The following CACNG4 variants were observed in gnomAD, a reference collection of about 807,000 sequenced individuals.
CACNG4 encodes the protein calcium voltage-gated channel auxiliary subunit gamma 4.
CACNG4 carries 8 observed loss-of-function variants against 22.9 expected under a neutral mutation model. That is an observed-to-expected ratio of 0.35 (90% CI 0.21 to 0.63). The LOEUF is 0.63. Ranked by LOEUF, CACNG4 falls within the 30% of genes least tolerant of loss-of-function variation. The probability of loss-of-function intolerance (pLI) is 0.72; values close to 1 mark genes in which losing one functional copy is unlikely to be tolerated. For synonymous variants in CACNG4, 188 were observed against 191.9 expected, an observed-to-expected ratio of 0.98 and a Z score of 0.17; for missense variants, 357 against 455.4, an observed-to-expected ratio of 0.78 and a Z score of 1.97.
intron 1 of CACNG4, 81 bp downstream of exon 1, chr17:66,965,212 G>GCGCGCGCA (rs1555575247): frequency 3.1e-4 from 197 of 639,644 alleles, no homozygotes; most frequent in Non-Finnish European, 3.8e-4. Context: ...GCGCGCGCGC[G>GCGCGCGCA]CACACACACA....
chr17:66,992,225 C>T (rs1263464304), intron 1 of CACNG4, among the ~76,000 whole-genome samples: 2 of 152,042 alleles, frequency 1.3e-5, no homozygotes, highest in Non-Finnish European at 2.9e-5. Flanking sequence ...ACCAAGTCAG[C>T]ACCCTCAGTG....
intron 1 of CACNG4, among the ~76,000 whole-genome samples, chr17:67,016,714 C>A (rs549296675): frequency 6.6e-6 from 1 of 152,284 alleles, no homozygotes; most frequent in East Asian, 1.9e-4. Context: ...GGGGGCTGAC[C>A]CGGGGGAAGG....
chr17:67,016,513 C>T (rs772478794), intron 1 of CACNG4, among the ~76,000 whole-genome samples: 7 of 152,120 alleles, frequency 4.6e-5, no homozygotes, highest in South Asian at 2.1e-4. Flanking sequence ...GCTCCCAGCT[C>T]GCCAGGGACC....
At chr17:67,004,298 G>A (rs1054565494) in intron 1 of CACNG4, among the ~76,000 whole-genome samples, 17 of 152,148 alleles carry the variant, frequency 1.1e-4, no homozygotes, top group Admixed American at 9.8e-4. Context: ...AAATCTCTCC[G>A]GCTCCGTTTA....
At chr17:67,024,620 A>G (rs2035552052) in intron 2 of CACNG4, among the ~76,000 whole-genome samples, 1 of 152,188 alleles carries the variant, frequency 6.6e-6, no homozygotes, top group Admixed American at 6.5e-5. Flanking sequence ...ACTAAACAAG[A>G]GGTAGACAGA....
chr17:67,007,147 C>A (rs1056649916), intron 1 of CACNG4, among the ~76,000 whole-genome samples: 2 of 151,978 alleles, frequency 1.3e-5, no homozygotes, highest in African/African-American at 4.8e-5. Flanking sequence ...TGCACTCTAG[C>A]CTGGGTGACA....
chr17:67,005,962 G>A (rs2035435066), intron 1 of CACNG4, among the ~76,000 whole-genome samples: 1 of 152,206 alleles, frequency 6.6e-6, no homozygotes, highest in African/African-American at 2.4e-5. Flanking sequence ...CCTTGTGGCT[G>A]GCAGAGGTGA....
chr17:67,012,129 C>T (rs2035471951), intron 1 of CACNG4, among the ~76,000 whole-genome samples: 1 of 152,184 alleles, frequency 6.6e-6, no homozygotes, highest in Admixed American at 6.5e-5. Flanking sequence ...GGGAGGAGCA[C>T]TGGACAAGGA....
intron 1 of CACNG4, among the ~76,000 whole-genome samples, chr17:67,007,089 C>T (rs968360650): frequency 5.3e-5 from 8 of 152,158 alleles, no homozygotes; most frequent in East Asian, 1.9e-4. Context: ...GCATGAGAAT[C>T]GCTTGAACCC....
At chr17:66,980,076 A>T (rs894320275) in intron 1 of CACNG4, among the ~76,000 whole-genome samples, 5 of 152,146 alleles carry the variant, frequency 3.3e-5, no homozygotes, top group Admixed American at 6.5e-5. Flanking sequence ...TCTTAAATGC[A>T]TCCAGGAACA....
Position 67,030,343 on chromosome 17 carries a change from AAAGAAATACT to A in CACNG4, c.446-122_446-113del. The stretch of plus-strand genomic sequence containing the variant: ...GAAAAGAAAAATTAGCAACCAGAAT[AAAGAAATACT>A]CATCAGAGAGGGGAGTGTCCACCTG... On this transcript the variant is annotated intron_variant, in intron 3 of 3. Coordinates refer to ENST00000262138, the MANE Select transcript of CACNG4 (RefSeq NM_014405.4). The surrounding 1 kb of genome is among the most constrained non-coding windows in gnomAD (Gnocchi z 6.4). 1.3e-6 allele frequency: 1 copy of A among 798,668 alleles called. No homozygotes were observed. Among genetic ancestry groups the A allele is most frequent in the African/African-American group, 1.7e-5 (1 of 58,084 alleles). 49.5% of individuals were successfully genotyped at this position (798,668 alleles called of 1,614,324 possible). A position where few individuals can be genotyped will look rare whatever the true frequency, so the allele number is the denominator to read the frequency against.
At chr17:67,025,151 T>C in intron 3 of CACNG4, 151 bp downstream of exon 3, 1 of 716,818 alleles carries the variant, frequency 1.4e-6, no homozygotes, top group Non-Finnish European at 2.1e-6. Context: ...AGTCCCAATG[T>C]TCAGGACTGG....
chr17:66,970,817 GT>G (rs1180087183), intron 1 of CACNG4, among the ~76,000 whole-genome samples: 1 of 152,208 alleles, frequency 6.6e-6, no homozygotes, highest in Non-Finnish European at 1.5e-5. Context: ...TTCTCGCCCT[GT>G]GTCTGCTTCA....
chr17:67,030,402 G>A lies in CACNG4; in HGVS notation c.446-64G>A. The A allele has an allele frequency of 6.9e-7, 1 of 1,441,314 alleles. No individual in the cohort carries two copies. Among genetic ancestry groups the A allele is most frequent in the Non-Finnish European group, 9.6e-7 (1 of 1,038,090 alleles). 89.3% of individuals were successfully genotyped at this position (1,441,314 alleles called of 1,614,324 possible). A position where few individuals can be genotyped will look rare whatever the true frequency, so the allele number is the denominator to read the frequency against. Reference sequence around the variant, plus strand: ...TGTTCCCTACACTGCCCGTCCCACTGTGGGTCTAACCTCTGCCTCTCTCCC... The same window carrying A: ...TGTTCCCTACACTGCCCGTCCCACTATGGGTCTAACCTCTGCCTCTCTCCC... On this transcript the variant is annotated intron_variant, in intron 3 of 3. Coordinates refer to ENST00000262138, the MANE Select transcript of CACNG4 (RefSeq NM_014405.4). This position sits in a 1 kb window ranked among gnomAD's most constrained non-coding sequence, Gnocchi z 6.4.
At chr17:66,982,169 A>G (rs534417569) in intron 1 of CACNG4, among the ~76,000 whole-genome samples, 27 of 152,344 alleles carry the variant, frequency 1.8e-4, no homozygotes, top group African/African-American at 5.8e-4. Flanking sequence ...AGCTTCCACG[A>G]GTGGGAGGAG....
chr17:67,007,376 A>G (rs1012650636), intron 1 of CACNG4, among the ~76,000 whole-genome samples: 2 of 152,320 alleles, frequency 1.3e-5, no homozygotes, highest in South Asian at 2.1e-4. Flanking sequence ...TCTTAACTCT[A>G]ATTGGAACAG....
chr17:67,004,714 G>A (rs186553477), intron 1 of CACNG4, among the ~76,000 whole-genome samples: 1 of 152,216 alleles, frequency 6.6e-6, no homozygotes, highest in Non-Finnish European at 1.5e-5. Context: ...TCTCTGACTT[G>A]ATCCACAAAG....
chr17:67,031,071 A>C lies in CACNG4; in HGVS notation c.*67A>C. ...GGCTCTTTTTGTCACACAGGATGGC[A>C]TGTGATCCTCAAGACGACGAACAAT... On this transcript the variant is annotated 3_prime_UTR_variant, in exon 4 of 4. Transcript: ENST00000262138. This position sits in a 1 kb window ranked among gnomAD's most constrained non-coding sequence, Gnocchi z 4.0. 6.6e-7 allele frequency: 1 copy of C among 1,504,432 alleles called. No homozygotes were observed. The allele number at this position is 1,504,432 out of a possible 1,614,324, so 93.2% of individuals were successfully genotyped here. A position where few individuals can be genotyped will look rare whatever the true frequency, so the allele number is the denominator to read the frequency against.
chr17:66,993,238 C>T (rs2035352957), intron 1 of CACNG4, among the ~76,000 whole-genome samples: 1 of 152,222 alleles, frequency 6.6e-6, no homozygotes. Context: ...AGAGGTTTTC[C>T]ATCATTTATT....
Sources: allele counts gnomAD v4.1 joint callset (sites outside exome capture counted in the v4.1 genomes callset), GRCh38; gene constraint gnomAD v4.1.1; non-coding constraint Gnocchi (gnomAD v3.1); transcripts MANE v1.5; gene names NCBI Gene and HGNC (gene_info 2026-07-23, HGNC 2026-07-21).